The following ZDHHC6 variants were observed in gnomAD, a reference collection of about 807,000 sequenced individuals.
ZDHHC6 encodes palmitoyltransferase ZDHHC6.
ZDHHC6 carries 32 observed loss-of-function variants against 57.8 expected under a neutral mutation model. The ratio of observed to expected loss-of-function variants is 0.55; its 90% confidence interval spans 0.42 to 0.74. The LOEUF is 0.74. Among genes scored for constraint, ZDHHC6 ranks in the 30% least tolerant of loss-of-function variants. The probability of loss-of-function intolerance (pLI) is 0.00; values close to 1 mark genes in which losing one functional copy is unlikely to be tolerated. For missense variants in ZDHHC6, 433 were observed against 500.7 expected (o/e 0.86, Z 1.29); for synonymous variants, 128 against 158.0 (o/e 0.81, Z 1.42).
Position 112,433,225 on chromosome 10 carries a change from A to C in ZDHHC6, c.945+15T>G. On this transcript the variant is annotated intron_variant, in intron 8 of 10. Coordinates refer to ENST00000369405, the MANE Select transcript of ZDHHC6 (RefSeq NM_022494.3). The stretch of plus-strand genomic sequence containing the variant: ...CAAAAGAAAAAAAAATTACCACTGC[A>C]AAAGAAGTACTTACACTTCTGACTC... 2.5e-6 allele frequency: 4 copies of C among 1,574,686 alleles called. No individual in the cohort carries two copies. Among genetic ancestry groups the C allele is most frequent in the Non-Finnish European group, 3.4e-6 (4 of 1,165,038 alleles).
chr10:112,438,319 C>CA lies in ZDHHC6; in HGVS notation c.735+16dup, dbSNP rs1237482706. On this transcript the variant is annotated intron_variant, in intron 6 of 10. Transcript: ENST00000369405. ...ATATACTTTTTTAATATTGAAGAAACAATTATTAAAATTTACCTTCTCTTC... is the reference window on the plus strand; with the variant it reads ...ATATACTTTTTTAATATTGAAGAAACAAATTATTAAAATTTACCTTCTCTTC... The CA allele has an allele frequency of 4.7e-6, 6 of 1,290,108 alleles. No homozygotes were observed. In the African/African-American group the frequency reaches 9.3e-5, roughly 20 times the overall value. 79.9% of individuals were successfully genotyped at this position (1,290,108 alleles called of 1,614,324 possible).
At chr10:112,432,152 C>A in intron 10 of ZDHHC6, 88 bp downstream of exon 10, 1 of 1,306,496 alleles carries the variant, frequency 7.7e-7, no homozygotes. Flanking sequence ...ATGCATTAGG[C>A]ATGATTGGTT....
intron 5 of ZDHHC6, among the ~76,000 whole-genome samples, chr10:112,439,488 G>A (rs755213980): frequency 4.0e-5 from 6 of 151,586 alleles, no homozygotes; most frequent in African/African-American, 7.3e-5. Flanking sequence ...AAAATTAACC[G>A]GGTGTGGTGG....
At chr10:112,438,627 C>G (rs1845776869) in intron 5 of ZDHHC6, among the ~76,000 whole-genome samples, 1 of 151,850 alleles carries the variant, frequency 6.6e-6, no homozygotes, top group Non-Finnish European at 1.5e-5. Flanking sequence ...ATAATCAAAT[C>G]TGAATCTAGT....
chr10:112,432,658 C>CCT, intron 8 of ZDHHC6, 137 bp from the exon 9 acceptor site: 3 of 1,031,940 alleles, frequency 2.9e-6, no homozygotes, highest in Non-Finnish European at 4.1e-6. Flanking sequence ...GGGAACCTCC[C>CCT]AGTTCCCCAT....
rs750406397 is a variant in ZDHHC6, at chr10:112,434,446, A to G, written c.754T>C (p.Tyr252His). ...IEEKAKDRIQ[Y>H]YQLDEVFVFP... ...ACAAAGACTTCATCTAGTTGATAAT[A>G]CTGAATTCGATCTTTAGCCTGTGGG... Residue 252 changes from tyrosine to histidine, a missense_variant, in exon 7 of 11, where the codon TAT (tyrosine) becomes CAT (histidine). Tyr to His is a moderately conservative substitution (Grantham distance 83, BLOSUM62 2). Transcript: ENST00000369405. 50 of 1,612,772 alleles carry G rather than the reference A, an allele frequency of 3.1e-5. No individual in the cohort carries two copies. The highest frequency in any genetic ancestry group is 1.7e-4 in the Middle Eastern group (1 of 6,048).
chr10:112,427,884 A>G (rs538714773), downstream of ZDHHC6: 3 of 152,862 alleles, frequency 2.0e-5, no homozygotes, highest in South Asian at 4.1e-4. Flanking sequence ...CATGTCAATC[A>G]TATCTATGAG....
chr10:112,430,423 T>C lies in ZDHHC6; in HGVS notation c.*381A>G, dbSNP rs1844917045. On this transcript the variant is annotated 3_prime_UTR_variant, in exon 11 of 11. Transcript: ENST00000369405. Reference sequence around the variant, plus strand: ...GAGTTCTATAGTATCTAGAATATCATATAAGAAATATCAACTGAGGGAAAA... The same window carrying C: ...GAGTTCTATAGTATCTAGAATATCACATAAGAAATATCAACTGAGGGAAAA... 6.4e-6 allele frequency: 1 copy of C among 156,108 alleles called. No individual in the cohort carries two copies. Among genetic ancestry groups the C allele is most frequent in the South Asian group, 2.0e-4 (1 of 5,062 alleles). The allele number at this position is 156,108 out of a possible 1,614,324, so 9.7% of individuals were successfully genotyped here. A position where few individuals can be genotyped will look rare whatever the true frequency, so the allele number is the denominator to read the frequency against.
intron 6 of ZDHHC6, among the ~76,000 whole-genome samples, chr10:112,436,966 T>C (rs1161372720): frequency 6.6e-6 from 1 of 152,208 alleles, no homozygotes; most frequent in Admixed American, 6.5e-5. Context: ...GCTTTTTTAA[T>C]GTAACACTAT....
chr10:112,444,186 A>G lies in ZDHHC6; in HGVS notation c.268-580T>C, dbSNP rs554016338. ...TTCTCATGTATTTAAGACTGTCACAATCTGCCTTTGTTTCAGCTGTCTCTG... is the reference window on the plus strand; with the variant it reads ...TTCTCATGTATTTAAGACTGTCACAGTCTGCCTTTGTTTCAGCTGTCTCTG... On this transcript the variant is annotated intron_variant, in intron 2 of 10. Coordinates refer to ENST00000369405, the MANE Select transcript of ZDHHC6 (RefSeq NM_022494.3). Among the ~76,000 whole-genome samples the G allele has an allele frequency of 8.5e-5, 13 of 152,272 alleles. No homozygotes were observed. The South Asian group carries it at 2.1e-3, about 24-fold the overall frequency.
At chr10:112,433,695 ATAACT>A (rs1486293839) in intron 7 of ZDHHC6, 2 of 159,004 alleles carry the variant, frequency 1.3e-5, no homozygotes, top group African/African-American at 4.8e-5. Context: ...AAAAGTCATC[ATAACT>A]TAATTTGACA....
chr10:112,425,164 G>A, exon 12 of ZDHHC6: 1 of 530,258 alleles, frequency 1.9e-6, no homozygotes, highest in Non-Finnish European at 3.3e-6. Context: ...GGTTCTTGCT[G>A]CACGATGCTT....
In ZDHHC6 at chr10:112,437,795, C is replaced by T. The variant is rs143503661; in HGVS notation, c.735+541G>A. Among the ~76,000 whole-genome samples the T allele has an allele frequency of 3.8e-3, 581 of 152,332 alleles. 3 individuals carry two copies. The highest frequency in any genetic ancestry group is 0.013 in the African/African-American group (554 of 41,570). ...ATGGACGTTATCTGCCCAGACCCTG[C>T]AGGTATTTGGGTTTCAACCCCTGCC... On this transcript the variant is annotated intron_variant, in intron 6 of 10. Coordinates refer to ENST00000369405, the MANE Select transcript of ZDHHC6 (RefSeq NM_022494.3).
chr10:112,442,156 A>G (rs1293158316), intron 4 of ZDHHC6, 36 bp downstream of exon 4: 2 of 1,561,024 alleles, frequency 1.3e-6, no homozygotes, highest in Admixed American at 3.9e-5. Flanking sequence ...TCTTGCATGG[A>G]TGATTTTATA....
chr10:112,427,487 C>G (rs1212094840), downstream of ZDHHC6: 6 of 857,666 alleles, frequency 7.0e-6, no homozygotes, highest in South Asian at 1.4e-4. Context: ...AAAGCCATAG[C>G]TTTTGTTTTA....
chr10:112,425,368 A>C, downstream of ZDHHC6: 1 of 1,613,398 alleles, frequency 6.2e-7, no homozygotes. Flanking sequence ...CGACCGTAAA[A>C]AGAACATTTT....
At chr10:112,447,559 C>A, upstream of ZDHHC6, 1 of 1,431,700 alleles carries the variant, frequency 7.0e-7, no homozygotes. Flanking sequence ...GTCTATGAGG[C>A]GCGAGGCTGG....
rs869272293 is a variant in ZDHHC6, at chr10:112,439,628, T to TAAAAA, written c.681+901_681+905dup. On this transcript the variant is annotated intron_variant, in intron 5 of 10. Coordinates refer to ENST00000369405, the MANE Select transcript of ZDHHC6 (RefSeq NM_022494.3). Reference sequence around the variant, plus strand: ...CTGGGTGACAGAGTGAGACTCCGTCTAAAAAAAAAAAAAAAAAAAAAAAAA... The same window carrying TAAAAA: ...CTGGGTGACAGAGTGAGACTCCGTCTAAAAAAAAAAAAAAAAAAAAAAAAAAAAAA... Among the ~76,000 whole-genome samples the TAAAAA allele has an allele frequency of 6.0e-3, 189 of 31,306 alleles. 6 individuals are homozygous for TAAAAA. The highest frequency in any genetic ancestry group is 6.2e-3 in the Admixed American group (10 of 1,614). 20.5% of individuals were successfully genotyped at this position (31,306 alleles called of 152,430 possible).
downstream of ZDHHC6, chr10:112,428,377 CTT>C: frequency 2.5e-6 from 1 of 398,562 alleles, no homozygotes; most frequent in Non-Finnish European, 4.4e-6. Context: ...ATTACAGATA[CTT>C]ACGTTGTGGT....
Sources: gnomAD v4.1 joint callset for allele counts (sites outside exome capture counted in the v4.1 genomes callset) on GRCh38, gnomAD v4.1.1 for gene constraint, MANE v1.5 for transcripts, NCBI Gene and HGNC (gene_info 2026-07-23, HGNC 2026-07-21) for gene names.